Variants in FLT4 observed in about 807,000 individuals in gnomAD.
The protein encoded by FLT4 is vascular endothelial growth factor receptor 3.
Under a neutral mutation model 163.2 loss-of-function variants are expected in FLT4, and 30 were observed. That is an observed-to-expected ratio of 0.18 (90% CI 0.14 to 0.25). The LOEUF is 0.25. Among genes scored for constraint, FLT4 ranks in the 10% least tolerant of loss-of-function variants. The pLI is 1.00. For missense variants in FLT4, 1,510 were observed against 1,863.8 expected, an observed-to-expected ratio of 0.81 and a Z score of 3.50; for synonymous variants, 884 against 789.5, an observed-to-expected ratio of 1.12 and a Z score of -2.01.
At chr5:180,608,619 T>C (rs906338569) in intron 29 of FLT4, among the ~76,000 whole-genome samples, 1 of 152,156 alleles carries the variant, frequency 6.6e-6, no homozygotes, top group African/African-American at 2.4e-5. Context: ...CTGGGTGAAG[T>C]TCCGGGGTTC....
At chr5:180,613,427 T>A in intron 24 of FLT4, 1 of 343,562 alleles carries the variant, frequency 2.9e-6, no homozygotes. Context: ...GGGAGCCGCC[T>A]GCAGGCAGTT....
Position 180,630,517 on chromosome 5 carries a change from G to C in FLT4, c.400+38C>G, listed in dbSNP as rs781140185. 1 of 1,610,998 alleles carries C rather than the reference G, an allele frequency of 6.2e-7. No homozygotes were observed. Among genetic ancestry groups the C allele is most frequent in the Non-Finnish European group, 8.5e-7 (1 of 1,179,452 alleles). On this transcript the variant is annotated intron_variant, in intron 3 of 29. Transcript: ENST00000261937. This position sits in a 1 kb window ranked among gnomAD's most constrained non-coding sequence, Gnocchi z 6.3. ...GGGGCGGTGTGGGCCCCAGCTGCCCGGGACCCTGCTCCAGCCTGGCCCGCC... is the reference window on the plus strand; with the variant it reads ...GGGGCGGTGTGGGCCCCAGCTGCCCCGGACCCTGCTCCAGCCTGGCCCGCC...
chr5:180,621,152 G>A lies in FLT4; in HGVS notation c.2121C>T (p.Pro707=). Residue 707 remains proline (P), a synonymous_variant, in exon 14 of 30, where the codon CCC becomes CCT. Transcript: ENST00000261937. ...TCTCGTCTTTGTACCACACGATGCTGGGCGCGTGCGCTCCGGCCACCAAGC... is the reference window on the plus strand; with the variant it reads ...TCTCGTCTTTGTACCACACGATGCTAGGCGCGTGCGCTCCGGCCACCAAGC... ...MQCLVAGAHA[P]SIVWYKDERL... is the part of the protein sequence containing the mutation. 6.2e-7 allele frequency: 1 copy of A among 1,612,844 alleles called. No homozygotes were observed.
In FLT4 at chr5:180,620,106, G is replaced by A. The variant is rs917137937; in HGVS notation, c.2542+67C>T. 1.2e-5 allele frequency: 19 copies of A among 1,556,462 alleles called. No homozygotes were observed. The highest frequency in any genetic ancestry group is 1.7e-5 in the Non-Finnish European group (19 of 1,150,652). Reference sequence around the variant, plus strand: ...AAGTTTTGAAAATGGAGGGATTCAGGCACTCCGGCCTGCAGCAGGTGGGTC... The same window carrying A: ...AAGTTTTGAAAATGGAGGGATTCAGACACTCCGGCCTGCAGCAGGTGGGTC... On this transcript the variant is annotated intron_variant, in intron 17 of 29. Transcript: ENST00000261937. The surrounding 1 kb of genome is among the most constrained non-coding windows in gnomAD (Gnocchi z 4.4).
chr5:180,624,248 CG>C (rs1763421238), intron 10 of FLT4, among the ~76,000 whole-genome samples, 187 bp from the exon 11 acceptor site: 1 of 140,920 alleles, frequency 7.1e-6, no homozygotes, highest in East Asian at 2.3e-4. Flanking sequence ...TTTTTTGAGA[CG>C]GAGTTTCACT....
At position 180,626,377 on chromosome 5, in the gene FLT4, C is replaced by T. The variant is rs991711216; in HGVS notation, c.1104-112G>A. 9.0e-6 allele frequency: 11 copies of T among 1,218,536 alleles called. No homozygotes were observed. In the African/African-American group the frequency reaches 1.3e-4, roughly 15 times the overall value. The allele number at this position is 1,218,536 out of a possible 1,614,324, so 75.5% of individuals were successfully genotyped here. A position where few individuals can be genotyped will look rare whatever the true frequency, so the allele number is the denominator to read the frequency against. ...GAGGAGGGAGGGGCTGGCAGGAGTG[C>T]AGGGTAGGACGGGGAACACTGGTCT... On this transcript the variant is annotated intron_variant, in intron 8 of 29. Transcript: ENST00000261937.
In FLT4 at chr5:180,623,289, A is replaced by G. The variant is rs1763315406; in HGVS notation, c.1549-450T>C. Among the ~76,000 whole-genome samples the G allele has an allele frequency of 6.6e-6, 1 of 152,100 alleles. No homozygotes were observed. Among genetic ancestry groups the G allele is most frequent in the Admixed American group, 6.5e-5 (1 of 15,286 alleles). On this transcript the variant is annotated intron_variant, in intron 11 of 29. Transcript: ENST00000261937. This position sits in a 1 kb window ranked among gnomAD's most constrained non-coding sequence, Gnocchi z 5.8. ...TCGTGAGATGGCCTCCTCAGCCCAGAACTGTCCTCAGCAGCAATCCCGAGG... is the reference window on the plus strand; with the variant it reads ...TCGTGAGATGGCCTCCTCAGCCCAGGACTGTCCTCAGCAGCAATCCCGAGG...
Position 180,618,757 on chromosome 5 carries a change from G to A in FLT4, c.3001+13C>T, listed in dbSNP as rs1213666160. 2.5e-6 allele frequency: 4 copies of A among 1,582,556 alleles called. No homozygotes were observed. The highest frequency in any genetic ancestry group is 2.7e-5 in the African/African-American group (2 of 74,114). ...GTCAGGCACTAGGAAAAGGGAAGAG[G>A]CCAGGCTCTCACCTTCTTGGTCTGG... On this transcript the variant is annotated intron_variant, in intron 21 of 29. Coordinates refer to ENST00000261937, the MANE Select transcript of FLT4 (RefSeq NM_182925.5).
At chr5:180,639,869 C>G (rs924960950) in intron 1 of FLT4, among the ~76,000 whole-genome samples, 15 of 152,196 alleles carry the variant, frequency 9.9e-5, no homozygotes, top group African/African-American at 3.4e-4. Context: ...CTGCTGCGCT[C>G]CCCCTGCCTT....
chr5:180,618,738 C>A (rs1165153491), intron 21 of FLT4, 32 bp downstream of exon 21: 8 of 1,574,490 alleles, frequency 5.1e-6, no homozygotes, highest in African/African-American at 1.4e-5. Context: ...GCCCGTCAGG[C>A]ACTAGGAAAA....
chr5:180,604,570 C>G (rs1184990646), intron 29 of FLT4, among the ~76,000 whole-genome samples: 1 of 152,192 alleles, frequency 6.6e-6, no homozygotes, highest in Non-Finnish European at 1.5e-5. Context: ...CTTCCCGTCA[C>G]TCCACGAAGC....
chr5:180,628,075 G>A (rs895781485), intron 8 of FLT4, among the ~76,000 whole-genome samples: 7 of 152,200 alleles, frequency 4.6e-5, no homozygotes, highest in Admixed American at 3.9e-4. Flanking sequence ...GGAGGGAGGT[G>A]CCCAGGCTGA....
At chr5:180,622,600 T>C (rs1291886677) in intron 12 of FLT4, 131 bp downstream of exon 12, 3 of 697,778 alleles carry the variant, frequency 4.3e-6, no homozygotes, top group African/African-American at 3.5e-5. Flanking sequence ...AAATCTATTT[T>C]TCCTGTCTAC....
chr5:180,648,724 A>G (rs1765600039), intron 1 of FLT4, among the ~76,000 whole-genome samples: 1 of 101,208 alleles, frequency 9.9e-6, no homozygotes, highest in Middle Eastern at 5.3e-3. Flanking sequence ...TCCCCGCCAG[A>G]GCCACATCCC....
intron 22 of FLT4, 142 bp from the exon 23 acceptor site, chr5:180,616,631 T>C: frequency 1.1e-6 from 1 of 944,648 alleles, no homozygotes. Context: ...AGGATTCCCA[T>C]CCATCTCCAG....
At position 180,622,901 on chromosome 5, in the gene FLT4, C is replaced by A. The variant is rs575072525; in HGVS notation, c.1549-62G>T. 1.8e-3 allele frequency: 2,046 copies of A among 1,138,172 alleles called. 6 individuals carry two copies. Among genetic ancestry groups the A allele is most frequent in the Non-Finnish European group, 2.4e-3 (1,789 of 757,664 alleles). 70.5% of individuals were successfully genotyped at this position (1,138,172 alleles called of 1,614,324 possible). A position where few individuals can be genotyped will look rare whatever the true frequency, so the allele number is the denominator to read the frequency against. On this transcript the variant is annotated intron_variant, in intron 11 of 29. Transcript: ENST00000261937. ...CAAGTTCTCCCAACCTGGGCCCTGTCTTTCTGCAAGGAGGTCGCTGTGCAC... is the reference window on the plus strand; with the variant it reads ...CAAGTTCTCCCAACCTGGGCCCTGTATTTCTGCAAGGAGGTCGCTGTGCAC...
Position 180,611,423 on chromosome 5 carries a change from G to A in FLT4, c.3594C>T (p.Ser1198=). 1 of 1,613,978 alleles carries A rather than the reference G, an allele frequency of 6.2e-7. No individual in the cohort carries two copies. ...PRSSQSSEEG[S]FSQVSTMALH... is the part of the protein sequence containing the mutation. ...GGGCCATGGTGGACACCTGCGAGAAGCTGCCCTCTTCTGAGCTCTGAGAGC... is the reference window on the plus strand; with the variant it reads ...GGGCCATGGTGGACACCTGCGAGAAACTGCCCTCTTCTGAGCTCTGAGAGC... The change falls in exon 27 of 30, where the codon AGC becomes AGT. Residue 1198 remains serine, a synonymous_variant. Transcript: ENST00000261937.
chr5:180,632,265 T>C (rs913819851), intron 1 of FLT4, among the ~76,000 whole-genome samples: 6 of 151,724 alleles, frequency 4.0e-5, no homozygotes, highest in African/African-American at 1.5e-4. Context: ...GCCTGCTCTC[T>C]GCCAGGGGCC....
At chr5:180,627,024 C>T (rs3776413) in intron 8 of FLT4, among the ~76,000 whole-genome samples, 6,152 of 152,314 alleles carry the variant, frequency 0.04, 191 homozygotes, top group East Asian at 0.18. Flanking sequence ...GTGCTGCCTC[C>T]TGCAGAGTTG....
Sources: gnomAD v4.1 joint callset for allele counts (sites outside exome capture counted in the v4.1 genomes callset) on GRCh38, gnomAD v4.1.1 for gene constraint, Gnocchi (gnomAD v3.1) non-coding constraint, MANE v1.5 for transcripts, NCBI Gene and HGNC (gene_info 2026-07-23, HGNC 2026-07-21) for gene names.